Variants in TENM3 observed in about 807,000 individuals in gnomAD.
TENM3 encodes teneurin transmembrane protein 3.
A neutral mutation model predicts 255.1 loss-of-function variants in TENM3; 63 were observed. The observed-to-expected ratio is 0.25, with a 90% CI of 0.20 to 0.30. TENM3 has a LOEUF of 0.30. TENM3 is among the 10% of genes least tolerant of loss of function. The pLI is 1.00. For missense variants in TENM3, 2,929 were observed against 3,461.1 expected (o/e 0.85, Z 3.86); for synonymous variants, 1,306 against 1,322.3 (o/e 0.99, Z 0.27).
intron 1 of TENM3, among the ~76,000 whole-genome samples, chr4:182,163,450 G>C (rs901515777): frequency 6.6e-6 from 1 of 152,182 alleles, no homozygotes; most frequent in Admixed American, 6.5e-5. Context: ...TTCCAAGCAC[G>C]AGGCGAGTCT....
At chr4:182,323,109 G>A (rs565236755) in intron 1 of TENM3, among the ~76,000 whole-genome samples, 3 of 152,054 alleles carry the variant, frequency 2.0e-5, no homozygotes, top group Admixed American at 1.3e-4. Flanking sequence ...TCTTTTGCCG[G>A]CAGACCCTTT....
intron 3 of TENM3, among the ~76,000 whole-genome samples, chr4:182,405,624 T>G (rs1413028487): frequency 6.6e-6 from 1 of 152,214 alleles, no homozygotes; most frequent in African/African-American, 2.4e-5. Flanking sequence ...TCCTAGGTAC[T>G]GGGGATATCA....
At chr4:181,983,827 A>G in the TENM3 span, among the ~76,000 whole-genome samples, 1 of 152,122 alleles carries the variant, frequency 6.6e-6, no homozygotes, top group African/African-American at 2.4e-5. Context: ...CAGTTTTAGT[A>G]TACTGAACTC....
the TENM3 span, among the ~76,000 whole-genome samples, chr4:181,789,860 C>G: frequency 3.4e-4 from 52 of 152,230 alleles, 2 homozygotes; most frequent in East Asian, 4.8e-3. Context: ...TCCCCGGTAC[C>G]ATGTCCTATG....
intron 23 of TENM3, chr4:182,774,075 A>G (rs1168587686): frequency 6.5e-6 from 1 of 154,786 alleles, no homozygotes; most frequent in African/African-American, 2.4e-5. Flanking sequence ...TTCCAACTAC[A>G]CATTCATGTA....
At chr4:182,178,281 G>A (rs1579616295) in intron 1 of TENM3, among the ~76,000 whole-genome samples, 1 of 152,194 alleles carries the variant, frequency 6.6e-6, no homozygotes, top group South Asian at 2.1e-4. Flanking sequence ...TAGATAGATG[G>A]CGTCAATTTC....
intron 4 of TENM3, among the ~76,000 whole-genome samples, chr4:182,615,417 C>T (rs933500927): frequency 6.6e-6 from 1 of 152,012 alleles, no homozygotes. Flanking sequence ...TAGATTTACA[C>T]GTGGCTCAGA....
At chr4:181,901,662 A>G in the TENM3 span, among the ~76,000 whole-genome samples, 1 of 152,170 alleles carries the variant, frequency 6.6e-6, no homozygotes, top group Non-Finnish European at 1.5e-5. Flanking sequence ...CACCCCTCAC[A>G]TCAGCACACA....
At chr4:182,695,438 A>G (rs1757326849) in intron 12 of TENM3, among the ~76,000 whole-genome samples, 1 of 152,206 alleles carries the variant, frequency 6.6e-6, no homozygotes, top group Non-Finnish European at 1.5e-5. Flanking sequence ...TTCCTTGTGC[A>G]GGGTGGCATT....
chr4:182,104,503 CTTTTTTTTTTTT>C, the TENM3 span, among the ~76,000 whole-genome samples: 4 of 66,138 alleles, frequency 6.0e-5, no homozygotes, highest in African/African-American at 2.0e-4. Context: ...ACTGTTGACT[CTTTTTTTTTTTT>C]TTTTTTTTTT....
chr4:182,405,764 G>A (rs1163797195), intron 3 of TENM3, among the ~76,000 whole-genome samples: 1 of 152,158 alleles, frequency 6.6e-6, no homozygotes, highest in Non-Finnish European at 1.5e-5. Flanking sequence ...AAATACTGAT[G>A]AGTATGTTAG....
At chr4:182,033,749 T>C in the TENM3 span, among the ~76,000 whole-genome samples, 1 of 152,196 alleles carries the variant, frequency 6.6e-6, no homozygotes, top group East Asian at 1.9e-4. Flanking sequence ...TTTAGGATAA[T>C]TAGCTCTTCT....
chr4:181,832,723 C>T, the TENM3 span, among the ~76,000 whole-genome samples: 2 of 152,284 alleles, frequency 1.3e-5, no homozygotes, highest in Admixed American at 6.5e-5. Flanking sequence ...ACGAGTCACT[C>T]GCTATTGGGA....
At chr4:182,729,681 A>G (rs964451044) in intron 14 of TENM3, among the ~76,000 whole-genome samples, 10 of 152,210 alleles carry the variant, frequency 6.6e-5, no homozygotes, top group Non-Finnish European at 1.5e-4. Flanking sequence ...TGTCTCACTG[A>G]GCAAAAGAAG....
chr4:181,561,381 G>C, the TENM3 span, among the ~76,000 whole-genome samples: 1 of 148,616 alleles, frequency 6.7e-6, no homozygotes, highest in East Asian at 2.0e-4. Context: ...TTGAAATTGA[G>C]AGTGCATGTA....
chr4:182,199,605 A>C (rs1036544200), intron 1 of TENM3, among the ~76,000 whole-genome samples: 1 of 152,184 alleles, frequency 6.6e-6, no homozygotes, highest in Admixed American at 6.5e-5. Flanking sequence ...AGAAAAAAAT[A>C]ATAGCTCAGC....
the TENM3 span, among the ~76,000 whole-genome samples, chr4:181,625,721 G>A: frequency 8.4e-3 from 1,278 of 152,120 alleles, 18 homozygotes; most frequent in African/African-American, 0.029. Context: ...GACTGAAGAA[G>A]GAGAATGGCG....
chr4:182,201,584 G>A (rs1397483293), intron 1 of TENM3, among the ~76,000 whole-genome samples: 1 of 151,782 alleles, frequency 6.6e-6, no homozygotes, highest in Non-Finnish European at 1.5e-5. Context: ...GATGCTAAGG[G>A]AAGGATCCAA....
the TENM3 span, among the ~76,000 whole-genome samples, chr4:181,783,967 A>C: frequency 6.6e-6 from 1 of 152,306 alleles, no homozygotes; most frequent in African/African-American, 2.4e-5. Context: ...TCCCAAAGCC[A>C]CATGACTCTT....
Sources: allele counts gnomAD v4.1 joint callset (sites outside exome capture counted in the v4.1 genomes callset), GRCh38; gene constraint gnomAD v4.1.1; transcripts MANE v1.5; gene names NCBI Gene and HGNC (gene_info 2026-07-23, HGNC 2026-07-21).